Variants in NDUFA10 observed in about 807,000 individuals in gnomAD.
NDUFA10 encodes NADH:ubiquinone oxidoreductase subunit A10, also known as NADH dehydrogenase [ubiquinone] 1 alpha subcomplex subunit 10, mitochondrial.
Under a neutral mutation model 47.8 loss-of-function variants are expected in NDUFA10, and 40 were observed. That is an observed-to-expected ratio of 0.84 (90% CI 0.65 to 1.09). The LOEUF (loss-of-function observed/expected upper bound fraction) is 1.09. Ranked by LOEUF, NDUFA10 falls within the 50% of genes least tolerant of loss-of-function variation. The probability of loss-of-function intolerance (pLI) is 0.00; values close to 1 mark genes in which losing one functional copy is unlikely to be tolerated. For missense variants in NDUFA10, 413 were observed against 451.1 expected (o/e 0.92, Z 0.76); for synonymous variants, 183 against 172.2 (o/e 1.06, Z -0.49).
chr2:239,970,266 A>G (rs184130640), intron 9 of NDUFA10, among the ~76,000 whole-genome samples: 60 of 150,020 alleles, frequency 4.0e-4, no homozygotes, highest in Middle Eastern at 3.4e-3. Context: ...GTTGGAGGGG[A>G]AAAAAAAACT....
In NDUFA10 at chr2:239,960,404, C is replaced by G. The variant is rs370644631; in HGVS notation, c.*714G>C. On this transcript the variant is annotated 3_prime_UTR_variant, in exon 10 of 10. Transcript: ENST00000252711. ...AGAGTATATTATTTTGCTTTTGCAT[C>G]TTATGTCATCAACAGCCTAAGCTCA... is the stretch of plus-strand genomic sequence containing the variant. 1.5e-5 allele frequency: 15 copies of G among 986,156 alleles called. No individual in the cohort carries two copies. The South Asian group carries it at 1.9e-4, about 12-fold the overall frequency. The allele number at this position is 986,156 out of a possible 1,614,324, so 61.1% of individuals were successfully genotyped here. A position where few individuals can be genotyped will look rare whatever the true frequency, so the allele number is the denominator to read the frequency against.
chr2:239,933,627 T>A (rs2106374773), intron 4 of NDUFA10, among the ~76,000 whole-genome samples: 1 of 150,456 alleles, frequency 6.6e-6, no homozygotes, highest in East Asian at 2.0e-4. Context: ...TTGCAGGAAG[T>A]CCCTGCAGCC....
At chr2:239,956,776 G>A (rs572204227), downstream of NDUFA10, among the ~76,000 whole-genome samples, 26 of 152,286 alleles carry the variant, frequency 1.7e-4, no homozygotes, top group Non-Finnish European at 2.2e-4. Flanking sequence ...CGGCGGAGCC[G>A]GGCAGCAGAA....
chr2:239,919,906 G>A (rs1334747435), intron 4 of NDUFA10, among the ~76,000 whole-genome samples: 3 of 152,220 alleles, frequency 2.0e-5, no homozygotes, highest in African/African-American at 4.8e-5. Context: ...GGGAGGCAAG[G>A]AGGCTGGTGC....
At chr2:239,970,240 G>A (rs1041613920) in intron 9 of NDUFA10, among the ~76,000 whole-genome samples, 1 of 152,096 alleles carries the variant, frequency 6.6e-6, no homozygotes, top group African/African-American at 2.4e-5. Context: ...AAGAGGCAAT[G>A]GAATATCTTT....
chr2:239,986,631 G>A (rs1325908947), intron 9 of NDUFA10, among the ~76,000 whole-genome samples: 1 of 152,126 alleles, frequency 6.6e-6, no homozygotes, highest in Non-Finnish European at 1.5e-5. Context: ...ATGGGGAGAA[G>A]GGAAACTACT....
chr2:240,015,392 T>C (rs886189392), intron 4 of NDUFA10, among the ~76,000 whole-genome samples: 4 of 152,238 alleles, frequency 2.6e-5, no homozygotes, highest in Non-Finnish European at 4.4e-5. Context: ...TTCTTCACAG[T>C]AATAATAGAT....
At chr2:239,932,990 T>C (rs1156812140) in intron 4 of NDUFA10, among the ~76,000 whole-genome samples, 1 of 152,060 alleles carries the variant, frequency 6.6e-6, no homozygotes, top group Non-Finnish European at 1.5e-5. Context: ...CAGCCCTCAG[T>C]GGGGAAGGCA....
intron 9 of NDUFA10, among the ~76,000 whole-genome samples, chr2:239,970,969 T>C (rs1695282163): frequency 6.6e-6 from 1 of 152,236 alleles, no homozygotes; most frequent in Non-Finnish European, 1.5e-5. Flanking sequence ...GTTTGGCTAA[T>C]AACAACAGAT....
At chr2:240,008,800 C>A (rs1697038106) in intron 6 of NDUFA10, among the ~76,000 whole-genome samples, 1 of 152,222 alleles carries the variant, frequency 6.6e-6, no homozygotes, top group Non-Finnish European at 1.5e-5. Context: ...CCTTAATGAG[C>A]TCCAGACCCC....
intron 8 of NDUFA10, among the ~76,000 whole-genome samples, chr2:239,991,401 A>G (rs1294384247): frequency 6.6e-6 from 1 of 152,198 alleles, no homozygotes; most frequent in African/African-American, 2.4e-5. Context: ...GCGTTTCCAC[A>G]TGGGTAGGCA....
At chr2:239,899,413 G>A (rs1433984944) in intron 4 of NDUFA10, among the ~76,000 whole-genome samples, 1 of 135,256 alleles carries the variant, frequency 7.4e-6, no homozygotes, top group African/African-American at 2.7e-5. Flanking sequence ...ATGCAGAGGT[G>A]TGATGGAGGG....
At chr2:239,995,258 A>T (rs1696422249) in intron 8 of NDUFA10, among the ~76,000 whole-genome samples, 1 of 152,260 alleles carries the variant, frequency 6.6e-6, no homozygotes, top group Non-Finnish European at 1.5e-5. Context: ...GATGGGCAAC[A>T]GAGCAAGACC....
intron 3 of NDUFA10, among the ~76,000 whole-genome samples, chr2:240,020,740 C>T (rs1037256721): frequency 9.2e-5 from 14 of 152,154 alleles, no homozygotes; most frequent in African/African-American, 1.2e-4. Flanking sequence ...TCAAGATTCA[C>T]GTCTGCCTCG....
chr2:239,965,809 C>T (rs1206273213), intron 9 of NDUFA10, among the ~76,000 whole-genome samples: 1 of 152,212 alleles, frequency 6.6e-6, no homozygotes, highest in Non-Finnish European at 1.5e-5. Context: ...GAGCGCCTAA[C>T]AGAAAAAGGA....
At chr2:239,955,755 G>A (rs982749809), downstream of NDUFA10, among the ~76,000 whole-genome samples, 2 of 152,204 alleles carry the variant, frequency 1.3e-5, no homozygotes, top group African/African-American at 4.8e-5. Flanking sequence ...TGGGTTCTCA[G>A]GGAAGGATGG....
At chr2:239,913,692 A>G (rs542276316) in intron 4 of NDUFA10, among the ~76,000 whole-genome samples, 8 of 152,286 alleles carry the variant, frequency 5.3e-5, no homozygotes, top group African/African-American at 1.4e-4. Context: ...TACAGGCTGA[A>G]CCGGAAAATT....
At chr2:240,009,696 C>T (rs954206018) in intron 6 of NDUFA10, among the ~76,000 whole-genome samples, 6 of 152,220 alleles carry the variant, frequency 3.9e-5, no homozygotes, top group African/African-American at 9.6e-5. Context: ...AGAACTTCAA[C>T]GGAGCCATCA....
intron 8 of NDUFA10, 39 bp from the exon 9 acceptor site, chr2:239,990,221 AAAAT>A (rs775564559): frequency 3.8e-5 from 56 of 1,486,840 alleles, no homozygotes; most frequent in Non-Finnish European, 5.0e-5. Context: ...CCAAACCATC[AAAAT>A]AAATACAATA....
Sources: allele counts gnomAD v4.1 joint callset (sites outside exome capture counted in the v4.1 genomes callset), GRCh38; gene constraint gnomAD v4.1.1; transcripts MANE v1.5; gene names NCBI Gene and HGNC (gene_info 2026-07-23, HGNC 2026-07-21).